PLOD1: variants seen among roughly 807,000 people sequenced by gnomAD.
PLOD1 encodes the protein lysine hydroxylase.
In PLOD1, 70 loss-of-function variants were observed where a neutral mutation model predicts 94.7. That is an observed-to-expected ratio of 0.74 (90% CI 0.61 to 0.90). PLOD1 has a LOEUF of 0.90. PLOD1 is among the 40% of genes least tolerant of loss of function. The pLI, the probability that PLOD1 is intolerant of heterozygous loss-of-function variation, is 0.00. For synonymous variants in PLOD1, 417 were observed against 400.2 expected (o/e 1.04, Z -0.50); for missense variants, 905 against 972.7 (o/e 0.93, Z 0.93).
At chr1:11,943,594 G>T (rs1300587507) in intron 1 of PLOD1, among the ~76,000 whole-genome samples, 1 of 152,178 alleles carries the variant, frequency 6.6e-6, no homozygotes, top group Non-Finnish European at 1.5e-5. Flanking sequence ...ACCACGCCTG[G>T]CCACGGAACC....
Position 11,963,490 on chromosome 1 carries a change from T to A in PLOD1, c.1098-42T>A. 4 of 1,298,148 alleles carry A rather than the reference T, an allele frequency of 3.1e-6. No individual in the cohort carries two copies. The highest frequency in any genetic ancestry group is 4.4e-6 in the Non-Finnish European group (4 of 911,558). The allele number at this position is 1,298,148 out of a possible 1,614,324, so 80.4% of individuals were successfully genotyped here. ...ACAGATGTGAGCAGCCACCAGTAGC[T>A]CCAGGATCAGGTGCACTGACCCTGT... On this transcript the variant is annotated intron_variant, in intron 10 of 18. Coordinates refer to ENST00000196061, the MANE Select transcript of PLOD1 (RefSeq NM_000302.4). The surrounding 1 kb of genome is among the most constrained non-coding windows in gnomAD (Gnocchi z 4.3).
chr1:11,965,403 C>T (rs1296471481), intron 13 of PLOD1, 77 bp from the exon 14 acceptor site: 4 of 810,314 alleles, frequency 4.9e-6, no homozygotes, highest in Non-Finnish European at 8.2e-6. Context: ...TGTTGCCCGT[C>T]TGGGAGCGTG....
chr1:11,973,084 A>C, intron 18 of PLOD1, 87 bp downstream of exon 18: 1 of 1,487,470 alleles, frequency 6.7e-7, no homozygotes, highest in Non-Finnish European at 9.3e-7. Context: ...GTTGAGGCAG[A>C]GGGGCCCCAG....
rs909750846 is a variant in PLOD1, at chr1:11,963,353, G to C, written c.1098-179G>C. The stretch of plus-strand genomic sequence containing the variant: ...GCCAACCTCTGGGCCTTGGGTGAGA[G>C]AGCCCAGCAGTCCAGGGGTTTGGGA... On this transcript the variant is annotated intron_variant, in intron 10 of 18. Transcript: ENST00000196061. This position sits in a 1 kb window ranked among gnomAD's most constrained non-coding sequence, Gnocchi z 4.3. 6.6e-6 allele frequency among the ~76,000 whole-genome samples: 1 copy of C among 152,214 alleles called. No individual in the cohort carries two copies. Among genetic ancestry groups the C allele is most frequent in the South Asian group, 2.1e-4 (1 of 4,836 alleles).
At chr1:11,950,227 T>G in intron 3 of PLOD1, 130 bp from the exon 4 acceptor site, 1 of 897,692 alleles carries the variant, frequency 1.1e-6, no homozygotes, top group African/African-American at 1.6e-5. Context: ...ATTTCCCAGA[T>G]GGTGGCCCAG....
chr1:11,956,925 G>T lies in PLOD1; in HGVS notation c.652G>T (p.Val218Leu), dbSNP rs372534520. The change falls in exon 7 of 19, where the codon GTG (valine) becomes TTG (leucine). Residue 218 changes from valine to leucine, a missense_variant. Coordinates refer to ENST00000196061, the MANE Select transcript of PLOD1 (RefSeq NM_000302.4). Reference protein sequence around the residue: ...QNLDGALDEVVLKFEMGHVRA... With the variant: ...QNLDGALDEVLLKFEMGHVRA... ...TGCTTTCTGACCCCCAGATGAGGTC[G>T]TGCTCAAGTTTGAAATGGGCCATGT... 2.5e-6 allele frequency: 4 copies of T among 1,612,198 alleles called. No individual in the cohort carries two copies. The East Asian group carries it at 6.7e-5, about 27-fold the overall frequency.
chr1:11,974,366 AGAGATGGG>A (rs1645888575), intron 18 of PLOD1, among the ~76,000 whole-genome samples: 1 of 152,034 alleles, frequency 6.6e-6, no homozygotes, highest in Non-Finnish European at 1.5e-5. Flanking sequence ...TATTTTTAGT[AGAGATGGG>A]GTCTCACCAT....
rs1310031121 is a variant in PLOD1, at chr1:11,972,583, A to G, written c.1903-289A>G. 2 of 382,004 alleles carry G rather than the reference A, an allele frequency of 5.2e-6. No homozygotes were observed. Among genetic ancestry groups the G allele is most frequent in the Non-Finnish European group, 9.9e-6 (2 of 201,794 alleles). The allele number at this position is 382,004 out of a possible 1,614,324, so 23.7% of individuals were successfully genotyped here. On this transcript the variant is annotated intron_variant, in intron 17 of 18. Coordinates refer to ENST00000196061, the MANE Select transcript of PLOD1 (RefSeq NM_000302.4). This position sits in a 1 kb window ranked among gnomAD's most constrained non-coding sequence, Gnocchi z 4.6. ...CCTTTCATTTCTTCTCTTCCCTTTC[A>G]TTTCTTCTCTTCCCTTTTCCTCCCT...
At chr1:11,947,914 CCTCCTCCCTGT>C in intron 1 of PLOD1, 51 bp from the exon 2 acceptor site, 1 of 1,067,282 alleles carries the variant, frequency 9.4e-7, no homozygotes, top group Non-Finnish European at 1.5e-6. Context: ...GGAACAAAGA[CCTCCTCCCTGT>C]CACCTCCCTC....
intron 12 of PLOD1, 22 bp downstream of exon 12, chr1:11,964,322 G>A: frequency 6.4e-7 from 1 of 1,571,794 alleles, no homozygotes; most frequent in Non-Finnish European, 8.7e-7. Flanking sequence ...CAGGGTGGGG[G>A]TGGGTGGGGG....
At position 11,972,662 on chromosome 1, in the gene PLOD1, CCTCT is replaced by C. The variant is rs939488350; in HGVS notation, c.1903-206_1903-203del. 2 of 546,056 alleles carry C rather than the reference CCTCT, an allele frequency of 3.7e-6. No homozygotes were observed. The highest frequency in any genetic ancestry group is 2.9e-5 in the Admixed American group (1 of 34,672). 33.8% of individuals were successfully genotyped at this position (546,056 alleles called of 1,614,324 possible). A position where few individuals can be genotyped will look rare whatever the true frequency, so the allele number is the denominator to read the frequency against. On this transcript the variant is annotated intron_variant, in intron 17 of 18. Coordinates refer to ENST00000196061, the MANE Select transcript of PLOD1 (RefSeq NM_000302.4). The surrounding 1 kb of genome is among the most constrained non-coding windows in gnomAD (Gnocchi z 4.6). Reference sequence around the variant, plus strand: ...TCCCCTCTGTTCTCTTCCTTCCCTCCCTCTCTCCCCTCTGTCCATACATTTTTGT... The same window carrying C: ...TCCCCTCTGTTCTCTTCCTTCCCTCCCTCCCCTCTGTCCATACATTTTTGT...
rs751377124 is a variant in PLOD1, at chr1:11,934,738, C to G, written c.-42C>G. The stretch of plus-strand genomic sequence containing the variant: ...CCCCGTCGCGAAGTTTCCAGCCCTG[C>G]GAGCGCCGCCGGGTCGGCCGATCGT... On this transcript the variant is annotated 5_prime_UTR_variant, in exon 1 of 19. Transcript: ENST00000196061. The G allele has an allele frequency of 2.6e-5, 40 of 1,517,752 alleles. No individual in the cohort carries two copies. Among genetic ancestry groups the G allele is most frequent in the Non-Finnish European group, 3.5e-5 (40 of 1,139,764 alleles). 94.0% of individuals were successfully genotyped at this position (1,517,752 alleles called of 1,614,324 possible).
At chr1:11,952,343 A>C (rs1035314394) in intron 4 of PLOD1, among the ~76,000 whole-genome samples, 1 of 152,182 alleles carries the variant, frequency 6.6e-6, no homozygotes, top group African/African-American at 2.4e-5. Context: ...CCGTTTCTTC[A>C]CCACCTATAT....
chr1:11,950,975 G>A (rs1557487521), intron 4 of PLOD1, among the ~76,000 whole-genome samples: 1 of 152,064 alleles, frequency 6.6e-6, no homozygotes, highest in Non-Finnish European at 1.5e-5. Flanking sequence ...TGTATATTTA[G>A]TAGAGATGGG....
chr1:11,965,603 G>C lies in PLOD1; in HGVS notation c.1584+10G>C. The stretch of plus-strand genomic sequence containing the variant: ...GTTCAGCAACCCCGAGGTGAGGCCA[G>C]GGTGGGCACATAGGGGCTGGGAGCA... On this transcript the variant is annotated intron_variant, in intron 14 of 18. Transcript: ENST00000196061. The C allele has an allele frequency of 6.4e-7, 1 of 1,553,724 alleles. No individual in the cohort carries two copies. The highest frequency in any genetic ancestry group is 8.9e-7 in the Non-Finnish European group (1 of 1,125,348).
At chr1:11,966,645 A>T (rs915382757) in intron 15 of PLOD1, among the ~76,000 whole-genome samples, 1 of 152,034 alleles carries the variant, frequency 6.6e-6, no homozygotes, top group African/African-American at 2.4e-5. Flanking sequence ...CCTGGATGTG[A>T]TGGCCACTGT....
Position 11,960,765 on chromosome 1 carries a change from CG to C in PLOD1, c.1096del (p.Ala366GlnfsTer22), listed in dbSNP as rs758298439. 6.2e-7 allele frequency: 1 copy of C among 1,612,726 alleles called. No homozygotes were observed. The highest frequency in any genetic ancestry group is 8.5e-7 in the Non-Finnish European group (1 of 1,179,958). ...MANADARNMG[A>X]DLCRQDRSCT... ...CGAATGCAGATGCCAGGAACATGGG[CG>C]CGTGAGTTGTGGGCCACAGTACTCT... On this transcript the variant is annotated frameshift_variant and splice_region_variant, in exon 10 of 19. Coordinates refer to ENST00000196061, the MANE Select transcript of PLOD1 (RefSeq NM_000302.4). LOFTEE classifies it high-confidence loss of function.
At chr1:11,970,597 A>G in intron 16 of PLOD1, 73 bp from the exon 17 acceptor site, 1 of 1,399,434 alleles carries the variant, frequency 7.1e-7, no homozygotes, top group East Asian at 2.3e-5. Context: ...TCCCGGGTGT[A>G]GGAGAGGGGA....
intron 3 of PLOD1, 104 bp downstream of exon 3, chr1:11,950,010 T>C: frequency 8.2e-7 from 1 of 1,215,300 alleles, no homozygotes; most frequent in South Asian, 1.2e-5. Context: ...GGGACCACTC[T>C]AGCTAAGGTT....
Sources: allele counts gnomAD v4.1 joint callset (sites outside exome capture counted in the v4.1 genomes callset), GRCh38; gene constraint gnomAD v4.1.1; non-coding constraint Gnocchi (gnomAD v3.1); transcripts MANE v1.5; gene names NCBI Gene and HGNC (gene_info 2026-07-23, HGNC 2026-07-21).